The following ZNF215 variants were observed in gnomAD, a reference collection of about 807,000 sequenced individuals.
The protein encoded by ZNF215 is BWSCR2-associated zinc finger protein 2.
ZNF215 carries 24 observed loss-of-function variants against 27.2 expected under a neutral mutation model. The observed-to-expected ratio is 0.88, with a 90% CI of 0.64 to 1.24. The LOEUF (loss-of-function observed/expected upper bound fraction) is 1.24. ZNF215 is among the 50% of genes most tolerant of loss of function. ZNF215 has a pLI of 0.00. For missense variants in ZNF215, 675 were observed against 605.7 expected, an observed-to-expected ratio of 1.11 and a Z score of -1.20; for synonymous variants, 210 against 204.0, an observed-to-expected ratio of 1.03 and a Z score of -0.25.
At chr11:6,958,126 A>T (rs939311481), downstream of ZNF215, 17 of 947,334 alleles carry the variant, frequency 1.8e-5, no homozygotes, top group Non-Finnish European at 2.1e-5. Context: ...AGAAATTCGT[A>T]TAAACAAGAG....
downstream of ZNF215, among the ~76,000 whole-genome samples, chr11:6,990,147 A>G (rs1185069258): frequency 6.6e-6 from 1 of 152,216 alleles, no homozygotes; most frequent in East Asian, 1.9e-4. Context: ...GTCAACTTGT[A>G]ATTAAGCTTT....
chr11:6,965,957 T>G (rs74890180), intron 5 of ZNF215, among the ~76,000 whole-genome samples: 1,822 of 152,328 alleles, frequency 0.012, 38 homozygotes, highest in African/African-American at 0.04. Context: ...CCTTATTTTC[T>G]ATTTTCTGGA....
chr11:6,978,646 T>G lies in ZNF215; in HGVS notation c.806-5483T>G, dbSNP rs957331025. Among the ~76,000 whole-genome samples, 11 of 152,020 alleles carry G rather than the reference T, an allele frequency of 7.2e-5. No homozygotes were observed. The East Asian group carries it at 1.4e-3, about 19-fold the overall frequency. ...TAGAAGGTGAATAGAAGGACAGGTG[T>G]AGTGGCTCACAGCTGTTATTCCAGT... On this transcript the variant is annotated intron_variant, in intron 5 of 5. Coordinates refer to the ZNF215 transcript ENST00000529903.
Position 6,956,679 on chromosome 11 carries a change from T to A in ZNF215, c.*148T>A. 7.2e-7 allele frequency: 1 copy of A among 1,393,846 alleles called. No individual in the cohort carries two copies. The highest frequency in any genetic ancestry group is 9.2e-7 in the Non-Finnish European group (1 of 1,082,526). 86.3% of individuals were successfully genotyped at this position (1,393,846 alleles called of 1,614,324 possible). On this transcript the variant is annotated 3_prime_UTR_variant, in exon 7 of 7. Transcript: ENST00000278319. The stretch of plus-strand genomic sequence containing the variant: ...ATGATATCACAGAATTAATGTTGGA[T>A]AGAAATATCATTGGATAGAAATCTG...
chr11:6,949,690 C>T (rs950014878), intron 6 of ZNF215, among the ~76,000 whole-genome samples: 17 of 152,264 alleles, frequency 1.1e-4, no homozygotes, highest in Admixed American at 1.3e-4. Context: ...GTTGCCTGTT[C>T]ACTCTGATGG....
At chr11:6,985,673 A>G (rs1282342261), downstream of ZNF215, among the ~76,000 whole-genome samples, 1 of 152,204 alleles carries the variant, frequency 6.6e-6, no homozygotes, top group East Asian at 1.9e-4. Context: ...GAGCTTATAA[A>G]CAATTTCAGG....
intron 5 of ZNF215, among the ~76,000 whole-genome samples, chr11:6,969,122 C>G (rs1018340151): frequency 7.9e-5 from 12 of 152,090 alleles, no homozygotes; most frequent in Admixed American, 6.6e-4. Context: ...GTTTCCATTT[C>G]TAAATGAAAT....
intron 3 of ZNF215, among the ~76,000 whole-genome samples, chr11:6,933,508 C>T (rs1490274104): frequency 6.6e-6 from 1 of 152,112 alleles, no homozygotes; most frequent in African/African-American, 2.4e-5. Context: ...CTGGTCTAGG[C>T]CAGGTGCGGT....
chr11:6,985,335 G>A (rs1406142165), downstream of ZNF215, among the ~76,000 whole-genome samples: 4 of 152,056 alleles, frequency 2.6e-5, no homozygotes, highest in Non-Finnish European at 4.4e-5. Flanking sequence ...TTTTGATAAC[G>A]TCCAATGTCC....
Position 6,932,782 on chromosome 11 carries a change from A to C in ZNF215, c.400+110A>C, listed in dbSNP as rs554614533. On this transcript the variant is annotated intron_variant, in intron 3 of 6. Transcript: ENST00000278319. ...CAAGTGCCAGATCTTGAAGGACTTTATATTACTCTATTAGGAAGCCTTGAC... is the reference window on the plus strand; with the variant it reads ...CAAGTGCCAGATCTTGAAGGACTTTCTATTACTCTATTAGGAAGCCTTGAC... 5 of 995,664 alleles carry C rather than the reference A, an allele frequency of 5.0e-6. No homozygotes were observed. The African/African-American group carries it at 8.2e-5, about 16-fold the overall frequency. The allele number at this position is 995,664 out of a possible 1,614,324, so 61.7% of individuals were successfully genotyped here. A position where few individuals can be genotyped will look rare whatever the true frequency, so the allele number is the denominator to read the frequency against.
chr11:6,990,385 T>C (rs1851103573), downstream of ZNF215, among the ~76,000 whole-genome samples: 1 of 152,210 alleles, frequency 6.6e-6, no homozygotes, highest in Non-Finnish European at 1.5e-5. Flanking sequence ...CAGAGCTGTG[T>C]ATGGAATATG....
chr11:6,934,905 T>C (rs1849382070), intron 3 of ZNF215, among the ~76,000 whole-genome samples: 1 of 152,166 alleles, frequency 6.6e-6, no homozygotes, highest in East Asian at 1.9e-4. Context: ...AGCCTATTCT[T>C]GAGAAATCTA....
At chr11:6,973,359 G>A (rs1388070950) in intron 5 of ZNF215, among the ~76,000 whole-genome samples, 42 of 152,110 alleles carry the variant, frequency 2.8e-4, no homozygotes, top group African/African-American at 4.3e-4. Flanking sequence ...ATAAACATAC[G>A]TGTGCATGTG....
downstream of ZNF215, among the ~76,000 whole-genome samples, chr11:6,960,904 C>A (rs1850503247): frequency 6.6e-6 from 1 of 152,064 alleles, no homozygotes; most frequent in Non-Finnish European, 1.5e-5. Context: ...TCACCCTGGA[C>A]CTTTGGATTC....
rs12291734 is a variant in ZNF215, at chr11:6,944,518, G to A, written c.712+877G>A. On this transcript the variant is annotated intron_variant, in intron 6 of 6. Coordinates refer to ENST00000278319, the MANE Select transcript of ZNF215 (RefSeq NM_013250.4). ...GATCCTCCTGCCTCAGCTTCTACCT[G>A]GAGAACTTCTTAACTTTTGCCTTAA... is the stretch of plus-strand genomic sequence containing the variant. Among the ~76,000 whole-genome samples the A allele has an allele frequency of 8.9e-3, 1,341 of 151,252 alleles. 27 individuals carry two copies. The highest frequency in any genetic ancestry group is 0.031 in the African/African-American group (1,281 of 41,164).
chr11:6,956,490 C>T lies in ZNF215; in HGVS notation c.1513C>T (p.Leu505Phe), dbSNP rs1850363726. Residue 505 changes from leucine to phenylalanine, a missense_variant, in exon 7 of 7, where the codon CTT becomes TTT. Physicochemically the swap from Leu to Phe is conservative, Grantham distance 22. Coordinates refer to ENST00000278319, the MANE Select transcript of ZNF215 (RefSeq NM_013250.4). Reference sequence around the variant, plus strand: ...TAAAGCCTTCAACAGGAGTTCAAACCTTGTTAAACATCAAAAACTGCATAC... The same window carrying T: ...TAAAGCCTTCAACAGGAGTTCAAACTTTGTTAAACATCAAAAACTGCATAC... ...CSKAFNRSSN[L>F]VKHQKLHTRD... is the part of the protein sequence containing the mutation. 6.2e-7 allele frequency: 1 copy of T among 1,605,002 alleles called. No individual in the cohort carries two copies. Among genetic ancestry groups the T allele is most frequent in the Admixed American group, 1.7e-5 (1 of 57,618 alleles).
chr11:6,935,486 CAT>C (rs745821970), intron 3 of ZNF215, among the ~76,000 whole-genome samples: 17 of 152,166 alleles, frequency 1.1e-4, no homozygotes, highest in Non-Finnish European at 2.5e-4. Flanking sequence ...TGCAGGTAAA[CAT>C]AACATAGCAT....
At position 6,956,697 on chromosome 11, in the gene ZNF215, GA is replaced by G. The variant is rs1564966665; in HGVS notation, c.*169del. 1 of 1,388,664 alleles carries G rather than the reference GA, an allele frequency of 7.2e-7. No individual in the cohort carries two copies. Among genetic ancestry groups the G allele is most frequent in the Non-Finnish European group, 9.3e-7 (1 of 1,079,454 alleles). The allele number at this position is 1,388,664 out of a possible 1,614,324, so 86.0% of individuals were successfully genotyped here. A position where few individuals can be genotyped will look rare whatever the true frequency, so the allele number is the denominator to read the frequency against. On this transcript the variant is annotated 3_prime_UTR_variant, in exon 7 of 7. Transcript: ENST00000278319. ...TGTTGGATAGAAATATCATTGGATA[GA>G]AATCTGTTTGAAGGAATTTTCCTGG...
chr11:6,975,118 G>T (rs1178091046), intron 5 of ZNF215, among the ~76,000 whole-genome samples: 1 of 152,032 alleles, frequency 6.6e-6, no homozygotes, highest in East Asian at 1.9e-4. Flanking sequence ...GTTGAATTTT[G>T]TCAAAGGCCT....
Sources: allele counts gnomAD v4.1 joint callset (sites outside exome capture counted in the v4.1 genomes callset), GRCh38; gene constraint gnomAD v4.1.1; transcripts MANE v1.5; gene names NCBI Gene and HGNC (gene_info 2026-07-23, HGNC 2026-07-21).